ABCA1: variants seen among roughly 807,000 people sequenced by gnomAD.
The protein encoded by ABCA1 is ATP binding cassette subfamily A member 1, also known as phospholipid-transporting ATPase ABCA1.
A neutral mutation model predicts 262.5 loss-of-function variants in ABCA1; 133 were observed. The ratio of observed to expected loss-of-function variants is 0.51; its 90% CI spans 0.44 to 0.59. ABCA1 has a LOEUF of 0.59. ABCA1 is among the 20% of genes least tolerant of loss of function. The pLI, the probability that ABCA1 is intolerant of heterozygous loss-of-function variation, is 0.00. For missense variants in ABCA1, 2,452 were observed against 2,777.5 expected, an observed-to-expected ratio of 0.88 and a Z score of 2.63; for synonymous variants, 1,022 against 1,043.5, an observed-to-expected ratio of 0.98 and a Z score of 0.40.
At chr9:104,827,200 G>C in intron 15 of ABCA1, 31 bp from the exon 16 acceptor site, 11 of 1,568,444 alleles carry the variant, frequency 7.0e-6, no homozygotes, top group Non-Finnish European at 8.8e-6. Context: ...CAAATGTGCT[G>C]CCTCAACAAT....
chr9:104,807,744 C>G (rs577635353), intron 30 of ABCA1, among the ~76,000 whole-genome samples: 104 of 151,284 alleles, frequency 6.9e-4, no homozygotes, highest in African/African-American at 2.3e-3. Context: ...ACCTGGGAGG[C>G]AGAGGTGGCA....
chr9:104,884,441 GTTTCCAACA>G lies in ABCA1; in HGVS notation c.279_287del (p.Val94_Asn96del). ...CTGATACTTACATGGATTTGTTAAAGTTTCCAACAACTCCGGGAGCCTCCCCAGGAGTCG... is the reference window on the plus strand; with the variant it reads ...CTGATACTTACATGGATTTGTTAAAGACTCCGGGAGCCTCCCCAGGAGTCG... On this transcript the variant is annotated inframe_deletion, in exon 4 of 50. Coordinates refer to ENST00000374736, the MANE Select transcript of ABCA1 (RefSeq NM_005502.4). The G allele has an allele frequency of 6.2e-7, 1 of 1,614,202 alleles. No homozygotes were observed. Among genetic ancestry groups the G allele is most frequent in the Non-Finnish European group, 8.5e-7 (1 of 1,180,028 alleles).
intron 5 of ABCA1, among the ~76,000 whole-genome samples, chr9:104,873,963 T>C (rs937644993): frequency 1.3e-5 from 2 of 152,186 alleles, no homozygotes; most frequent in African/African-American, 4.8e-5. Flanking sequence ...CGAAGGTATA[T>C]TTCCCAGGGA....
chr9:104,864,821 A>T (rs1327004596), intron 5 of ABCA1, among the ~76,000 whole-genome samples: 3 of 152,102 alleles, frequency 2.0e-5, no homozygotes, highest in Non-Finnish European at 4.4e-5. Context: ...CAGACCAGTG[A>T]GTGTGCTCAG....
At chr9:104,795,895 G>A (rs1428597630) in intron 39 of ABCA1, among the ~76,000 whole-genome samples, 158 bp downstream of exon 39, 1 of 152,232 alleles carries the variant, frequency 6.6e-6, no homozygotes, top group Non-Finnish European at 1.5e-5. Context: ...AGAAAGAAAG[G>A]TGCTTTGCCT....
chr9:104,896,059 C>T (rs1840172157), intron 2 of ABCA1, among the ~76,000 whole-genome samples: 1 of 152,116 alleles, frequency 6.6e-6, no homozygotes, highest in African/African-American at 2.4e-5. Context: ...GAATAAACAT[C>T]AGAAAGGAAG....
In ABCA1 at chr9:104,784,457, T is replaced by A. The variant is rs1441482297; in HGVS notation, c.6646-2A>T. The A allele has an allele frequency of 6.2e-7, 1 of 1,613,958 alleles. No homozygotes were observed. Among genetic ancestry groups the A allele is most frequent in the African/African-American group, 1.3e-5 (1 of 74,932 alleles). ...GTCCTTGGCAAAGTTCACAAATACCTGTTAAAAGATTAAGATGGACCTTTA... is the reference window on the plus strand; with the variant it reads ...GTCCTTGGCAAAGTTCACAAATACCAGTTAAAAGATTAAGATGGACCTTTA... On this transcript the variant is annotated splice_acceptor_variant, in intron 49 of 49. Coordinates refer to ENST00000374736, the MANE Select transcript of ABCA1 (RefSeq NM_005502.4). LOFTEE classifies it high-confidence loss of function.
At chr9:104,840,960 T>G (rs1834310425) in intron 8 of ABCA1, among the ~76,000 whole-genome samples, 1 of 152,164 alleles carries the variant, frequency 6.6e-6, no homozygotes, top group South Asian at 2.1e-4. Flanking sequence ...TACATCTCAT[T>G]GTGGTTGAGC....
chr9:104,858,365 A>C (rs1447422660), intron 7 of ABCA1, among the ~76,000 whole-genome samples, 157 bp downstream of exon 7: 1 of 152,224 alleles, frequency 6.6e-6, no homozygotes, highest in African/African-American at 2.4e-5. Context: ...GTCTGAAAGA[A>C]CACTAAGAAC....
At chr9:104,838,657 G>GTA (rs1271045084) in intron 9 of ABCA1, among the ~76,000 whole-genome samples, 1 of 151,444 alleles carries the variant, frequency 6.6e-6, no homozygotes, top group East Asian at 1.9e-4. Context: ...ACACAAACTA[G>GTA]TATATGTACA....
At chr9:104,889,440 C>G (rs906071278) in intron 2 of ABCA1, 2 of 880,800 alleles carry the variant, frequency 2.3e-6, no homozygotes, top group Non-Finnish European at 2.7e-6. Flanking sequence ...TTATCTGGTT[C>G]ACTTCTATTC....
Position 104,806,227 on chromosome 9 carries a change from T to G in ABCA1, c.4464+14A>C. 6.2e-7 allele frequency: 1 copy of G among 1,612,192 alleles called. No homozygotes were observed. Among genetic ancestry groups the G allele is most frequent in the Non-Finnish European group, 8.5e-7 (1 of 1,179,798 alleles). On this transcript the variant is annotated intron_variant, in intron 31 of 49. Coordinates refer to ENST00000374736, the MANE Select transcript of ABCA1 (RefSeq NM_005502.4). ...GCACCCCTTCTGCCCAATCACCCCCTGAAAGTGACTCACTTGTGGAGGAGG... is the reference window on the plus strand; with the variant it reads ...GCACCCCTTCTGCCCAATCACCCCCGGAAAGTGACTCACTTGTGGAGGAGG...
intron 1 of ABCA1, among the ~76,000 whole-genome samples, chr9:104,915,866 A>G (rs1841811286): frequency 6.6e-6 from 1 of 152,146 alleles, no homozygotes; most frequent in Non-Finnish European, 1.5e-5. Context: ...CACATATGCT[A>G]TGAACTAGAA....
intron 30 of ABCA1, among the ~76,000 whole-genome samples, chr9:104,808,308 C>G (rs1830976366): frequency 6.6e-6 from 1 of 152,260 alleles, no homozygotes; most frequent in East Asian, 1.9e-4. Context: ...TCCTACAGAG[C>G]CTTCCTAAGC....
chr9:104,858,265 C>G (rs1836020175), intron 7 of ABCA1, among the ~76,000 whole-genome samples: 1 of 152,070 alleles, frequency 6.6e-6, no homozygotes, highest in African/African-American at 2.4e-5. Context: ...CAGGTCTTCT[C>G]TGATTGAAAC....
chr9:104,862,651 G>A (rs190512285), intron 5 of ABCA1, among the ~76,000 whole-genome samples: 235 of 6,724 alleles, frequency 0.035, 44 homozygotes, highest in Admixed American at 0.049. Context: ...GGCCGGGCCG[G>A]GCCGGGCCGG....
chr9:104,895,067 A>C (rs533032527), intron 2 of ABCA1, among the ~76,000 whole-genome samples: 2 of 152,238 alleles, frequency 1.3e-5, no homozygotes, highest in African/African-American at 4.8e-5. Context: ...CTAAACATAA[A>C]CCCTCATAAA....
intron 32 of ABCA1, 115 bp from the exon 33 acceptor site, chr9:104,803,431 T>C: frequency 1.9e-6 from 2 of 1,070,658 alleles, no homozygotes; most frequent in Non-Finnish European, 2.9e-6. Context: ...GAAATAACCC[T>C]AGAATCAGCT....
At chr9:104,822,125 C>T (rs573130942) in intron 19 of ABCA1, among the ~76,000 whole-genome samples, 18 of 152,246 alleles carry the variant, frequency 1.2e-4, no homozygotes, top group African/African-American at 3.1e-4. Flanking sequence ...GCCAGCTGCC[C>T]AGCTTGATTG....
Sources: allele counts gnomAD v4.1 joint callset (sites outside exome capture counted in the v4.1 genomes callset), GRCh38; gene constraint gnomAD v4.1.1; transcripts MANE v1.5; gene names NCBI Gene and HGNC (gene_info 2026-07-23, HGNC 2026-07-21).